Variants in PABPC4L observed in about 807,000 individuals in gnomAD.
PABPC4L encodes polyadenylate-binding protein 4-like.
For synonymous variants in PABPC4L, 169 were observed against 164.1 expected (o/e 1.03, Z -0.23); for missense variants, 452 against 451.4 (o/e 1.00, Z -0.01).
rs1479495544 is a variant in PABPC4L, at chr4:134,198,836, A to T, written c.*1071T>A. 6.6e-6 allele frequency: 1 copy of T among 152,026 alleles called. No individual in the cohort carries two copies. Among genetic ancestry groups the T allele is most frequent in the Admixed American group, 6.6e-5 (1 of 15,262 alleles). The allele number at this position is 152,026 out of a possible 1,614,324, so 9.4% of individuals were successfully genotyped here. The stretch of plus-strand genomic sequence containing the variant: ...AAACAGAATAAGTGATGTAACTTCA[A>T]TTCATCAGAAAATCAATCAGTGTTT... On this transcript the variant is annotated 3_prime_UTR_variant, in exon 2 of 2. Transcript: ENST00000421491.
the PABPC4L span, among the ~76,000 whole-genome samples, chr4:133,985,874 T>C: frequency 6.6e-6 from 1 of 152,104 alleles, no homozygotes; most frequent in Non-Finnish European, 1.5e-5. Context: ...CTATAAATTC[T>C]CTAACTTCTG....
chr4:134,180,000 C>A, the PABPC4L span, among the ~76,000 whole-genome samples: 1 of 152,016 alleles, frequency 6.6e-6, no homozygotes, highest in African/African-American at 2.4e-5. Context: ...AGGCAGAAAA[C>A]TAACAAAGGT....
the PABPC4L span, among the ~76,000 whole-genome samples, chr4:134,138,718 G>T: frequency 1.3e-5 from 2 of 151,690 alleles, no homozygotes; most frequent in Non-Finnish European, 3.0e-5. Context: ...TGTAAGTAAT[G>T]TGTTCTATAA....
chr4:134,184,144 A>T, the PABPC4L span, among the ~76,000 whole-genome samples: 1 of 151,970 alleles, frequency 6.6e-6, no homozygotes, highest in Non-Finnish European at 1.5e-5. Context: ...GGTTAACCAG[A>T]CTAATGGAAC....
the PABPC4L span, among the ~76,000 whole-genome samples, chr4:133,997,168 A>C: frequency 1.1e-4 from 16 of 152,190 alleles, no homozygotes; most frequent in Non-Finnish European, 2.9e-5. Context: ...AATAATCCTA[A>C]AACGACCTCT....
the PABPC4L span, among the ~76,000 whole-genome samples, chr4:134,112,319 A>T: frequency 6.6e-6 from 1 of 151,966 alleles, no homozygotes; most frequent in Non-Finnish European, 1.5e-5. Context: ...GCATTTCATC[A>T]CATAATAGCT....
chr4:134,164,826 A>C, the PABPC4L span, among the ~76,000 whole-genome samples: 2 of 152,220 alleles, frequency 1.3e-5, no homozygotes, highest in Non-Finnish European at 2.9e-5. Flanking sequence ...AGCAATCTTA[A>C]GCAAAAGTAA....
At chr4:134,185,529 A>G in the PABPC4L span, among the ~76,000 whole-genome samples, 1 of 152,184 alleles carries the variant, frequency 6.6e-6, no homozygotes, top group Non-Finnish European at 1.5e-5. Flanking sequence ...TATTGATAGG[A>G]CATATCTCAA....
In PABPC4L at chr4:134,200,062, T is replaced by C. The variant is rs1462122641; in HGVS notation, c.958A>G (p.Ser320Gly). The change falls in exon 2 of 2, where the codon AGC (serine) becomes GGC (glycine). Residue 320 changes from serine to glycine, a missense_variant. By Grantham distance (56) the Ser-to-Gly change is moderately conservative. Transcript: ENST00000421491. ...TCTTCCTGCATTACCTTAACTCTGC[T>C]AATTGATCCAAATGAAGAAAATTCG... is the stretch of plus-strand genomic sequence containing the variant. The part of the protein sequence containing the change: ...RNEFSSFGSI[S>G]RVKVMQEEGQ... 2 of 1,551,712 alleles carry C rather than the reference T, an allele frequency of 1.3e-6. No individual in the cohort carries two copies. The highest frequency in any genetic ancestry group is 1.7e-6 in the Non-Finnish European group (2 of 1,146,976).
the PABPC4L span, among the ~76,000 whole-genome samples, chr4:134,160,486 G>A: frequency 3.9e-5 from 6 of 152,236 alleles, no homozygotes; most frequent in East Asian, 1.2e-3. Context: ...TTGAATTCAT[G>A]GAAAGAAGGA....
the PABPC4L span, among the ~76,000 whole-genome samples, chr4:133,948,509 T>C: frequency 6.6e-6 from 1 of 152,228 alleles, no homozygotes; most frequent in Admixed American, 6.5e-5. Context: ...CATGGGCTTA[T>C]AGAACTATGT....
At chr4:134,039,870 T>G in the PABPC4L span, among the ~76,000 whole-genome samples, 2 of 152,006 alleles carry the variant, frequency 1.3e-5, no homozygotes, top group South Asian at 4.1e-4. Flanking sequence ...CAGCAAAGTC[T>G]CAGGATACAA....
the PABPC4L span, among the ~76,000 whole-genome samples, chr4:133,992,671 G>T: frequency 6.6e-6 from 1 of 152,160 alleles, no homozygotes; most frequent in South Asian, 2.1e-4. Context: ...GAGGCCAATA[G>T]AATGTAGCAG....
At chr4:134,071,027 A>C in the PABPC4L span, among the ~76,000 whole-genome samples, 1 of 152,286 alleles carries the variant, frequency 6.6e-6, no homozygotes, top group South Asian at 2.1e-4. Context: ...TGAGGGCTTC[A>C]GACAGGCTGG....
At chr4:134,191,534 A>G (rs891104674), downstream of PABPC4L, among the ~76,000 whole-genome samples, 1 of 152,208 alleles carries the variant, frequency 6.6e-6, no homozygotes, top group East Asian at 1.9e-4. Context: ...AATTAATATC[A>G]GGAAATAATT....
At chr4:134,088,171 A>C in the PABPC4L span, among the ~76,000 whole-genome samples, 1 of 151,990 alleles carries the variant, frequency 6.6e-6, no homozygotes, top group Non-Finnish European at 1.5e-5. Flanking sequence ...AAAAATTAGA[A>C]TATTCTGGGG....
downstream of PABPC4L, among the ~76,000 whole-genome samples, chr4:134,195,618 T>A (rs751513833): frequency 6.6e-5 from 10 of 151,734 alleles, no homozygotes; most frequent in Non-Finnish European, 1.3e-4. Context: ...TGAATCTCTC[T>A]CAGAAGTTAA....
At chr4:134,004,812 A>T in the PABPC4L span, among the ~76,000 whole-genome samples, 1 of 152,018 alleles carries the variant, frequency 6.6e-6, no homozygotes, top group Admixed American at 6.6e-5. Context: ...TTCCAACAAC[A>T]TGGATGAGTC....
chr4:134,026,988 G>GT, the PABPC4L span, among the ~76,000 whole-genome samples: 4 of 151,942 alleles, frequency 2.6e-5, no homozygotes, highest in South Asian at 8.3e-4. Context: ...AAAAATTTAC[G>GT]TTTTCTAAGC....
Sources: gnomAD v4.1 joint callset for allele counts (sites outside exome capture counted in the v4.1 genomes callset) on GRCh38, gnomAD v4.1.1 for gene constraint, MANE v1.5 for transcripts, NCBI Gene and HGNC (gene_info 2026-07-23, HGNC 2026-07-21) for gene names.